Variants in SERINC5 observed in about 807,000 individuals in gnomAD.
SERINC5 encodes serine incorporator 5, also known as chromosome 5 open reading frame 12.
A neutral mutation model predicts 63.1 loss-of-function variants in SERINC5; 41 were observed. That is an observed-to-expected ratio of 0.65 (90% confidence interval 0.51 to 0.84). The LOEUF (loss-of-function observed/expected upper bound fraction) is 0.84. Ranked by LOEUF, SERINC5 falls within the 40% of genes least tolerant of loss-of-function variation. The pLI is 0.00. For synonymous variants in SERINC5, 222 were observed against 215.2 expected, an observed-to-expected ratio of 1.03 and a Z score of -0.28; for missense variants, 523 against 573.0, an observed-to-expected ratio of 0.91 and a Z score of 0.89.
chr5:80,232,161 T>C (rs1301400270), intron 1 of SERINC5, among the ~76,000 whole-genome samples: 2 of 150,200 alleles, frequency 1.3e-5, no homozygotes, highest in African/African-American at 2.5e-5. Flanking sequence ...TCCCAGCATT[T>C]TGGGAGGCCA....
intron 9 of SERINC5, among the ~76,000 whole-genome samples, chr5:80,150,284 G>T (rs982311517): frequency 6.6e-6 from 1 of 152,156 alleles, no homozygotes; most frequent in African/African-American, 2.4e-5. Context: ...AGAGCGCAGG[G>T]TGCAGCCTGA....
chr5:80,241,108 G>C (rs1011672768), intron 1 of SERINC5, among the ~76,000 whole-genome samples: 2 of 152,104 alleles, frequency 1.3e-5, no homozygotes, highest in African/African-American at 4.8e-5. Context: ...CATCACTAAT[G>C]ATAAAAGTTT....
chr5:80,209,617 C>T (rs922187521), intron 1 of SERINC5, among the ~76,000 whole-genome samples: 2 of 151,716 alleles, frequency 1.3e-5, no homozygotes, highest in Non-Finnish European at 2.9e-5. Context: ...ACTGACTACC[C>T]GAGGAACAGG....
intron 11 of SERINC5, among the ~76,000 whole-genome samples, chr5:80,127,378 A>G (rs2112246954): frequency 6.6e-6 from 1 of 152,332 alleles, no homozygotes; most frequent in East Asian, 1.9e-4. Flanking sequence ...TGAAACCAGC[A>G]ATATCCCAAA....
At chr5:80,185,050 T>C (rs886706542) in intron 2 of SERINC5, among the ~76,000 whole-genome samples, 2 of 152,138 alleles carry the variant, frequency 1.3e-5, no homozygotes, top group South Asian at 4.1e-4. Flanking sequence ...CTAATTTTTG[T>C]ATTTTTAGTA....
At chr5:80,202,299 G>C (rs554796271) in intron 2 of SERINC5, among the ~76,000 whole-genome samples, 1 of 152,068 alleles carries the variant, frequency 6.6e-6, no homozygotes, top group Non-Finnish European at 1.5e-5. Context: ...GGACAGAAGG[G>C]TACAAGAAAA....
intron 8 of SERINC5, among the ~76,000 whole-genome samples, chr5:80,156,239 G>A (rs1746510327): frequency 6.6e-6 from 1 of 152,110 alleles, no homozygotes; most frequent in Non-Finnish European, 1.5e-5. Context: ...TTCCCACACG[G>A]ACGATGTGGC....
chr5:80,184,330 T>C (rs1205895624), intron 2 of SERINC5, among the ~76,000 whole-genome samples: 2 of 152,174 alleles, frequency 1.3e-5, no homozygotes, highest in Non-Finnish European at 2.9e-5. Context: ...CTTTCATCTA[T>C]ACCAGCCCAT....
chr5:80,151,725 T>G (rs1227231950), intron 8 of SERINC5, among the ~76,000 whole-genome samples: 1 of 152,204 alleles, frequency 6.6e-6, no homozygotes, highest in Non-Finnish European at 1.5e-5. Flanking sequence ...CAGATTGATT[T>G]AGCAAATATT....
intron 1 of SERINC5, among the ~76,000 whole-genome samples, chr5:80,235,512 C>A (rs1449197660): frequency 6.6e-6 from 1 of 152,196 alleles, no homozygotes; most frequent in African/African-American, 2.4e-5. Flanking sequence ...AAACACAAAT[C>A]AAGAAGAGTA....
chr5:80,186,050 T>A (rs1181242256), intron 2 of SERINC5, among the ~76,000 whole-genome samples: 1 of 146,498 alleles, frequency 6.8e-6, no homozygotes, highest in African/African-American at 2.5e-5. Context: ...CTGAACATCT[T>A]AGAATTAGTA....
At chr5:80,218,426 G>C (rs933145957) in intron 1 of SERINC5, among the ~76,000 whole-genome samples, 1 of 152,190 alleles carries the variant, frequency 6.6e-6, no homozygotes, top group African/African-American at 2.4e-5. Flanking sequence ...CGTAATCCCA[G>C]CTACATGAGA....
At chr5:80,156,720 T>A (rs955583259) in intron 8 of SERINC5, among the ~76,000 whole-genome samples, 4 of 152,172 alleles carry the variant, frequency 2.6e-5, no homozygotes, top group African/African-American at 4.8e-5. Flanking sequence ...TTTGGGAATA[T>A]CAGACCAGCC....
intron 1 of SERINC5, among the ~76,000 whole-genome samples, chr5:80,249,525 G>A (rs538033996): frequency 1.6e-4 from 25 of 152,154 alleles, no homozygotes; most frequent in African/African-American, 5.3e-4. Flanking sequence ...AATATCGGCC[G>A]GGCACAGTGG....
intron 8 of SERINC5, chr5:80,157,951 C>G (rs907109327): frequency 2.0e-5 from 3 of 152,176 alleles, no homozygotes; most frequent in Admixed American, 1.3e-4. Flanking sequence ...TGCCAACATG[C>G]TCAGAAAGAC....
intron 5 of SERINC5, among the ~76,000 whole-genome samples, chr5:80,171,397 G>A (rs1441090234): frequency 1.3e-5 from 2 of 152,180 alleles, no homozygotes; most frequent in African/African-American, 4.8e-5. Flanking sequence ...AGGGAGGAAA[G>A]AGAATTACCT....
chr5:80,247,990 A>G (rs1752236067), intron 1 of SERINC5, among the ~76,000 whole-genome samples: 1 of 152,022 alleles, frequency 6.6e-6, no homozygotes, highest in Admixed American at 6.6e-5. Flanking sequence ...CTGGGACTAT[A>G]TAGGCACACA....
At position 80,141,850 on chromosome 5, in the gene SERINC5, C is replaced by T; in HGVS notation, c.*1813G>A. On this transcript the variant is annotated 3_prime_UTR_variant, in exon 12 of 12. Coordinates refer to ENST00000507668, the MANE Select transcript of SERINC5 (RefSeq NM_001174072.3). ...AACAAGGCTCTCTAAACCACACACA[C>T]AGATGGAGTGCCTTTTGAAACTGAA... 1.0e-6 allele frequency: 1 copy of T among 985,360 alleles called. No individual in the cohort carries two copies. The highest frequency in any genetic ancestry group is 1.7e-5 in the African/African-American group (1 of 57,376). The allele number at this position is 985,360 out of a possible 1,614,324, so 61.0% of individuals were successfully genotyped here.
chr5:80,137,201 A>G (rs1451106249), downstream of SERINC5, among the ~76,000 whole-genome samples: 1 of 151,376 alleles, frequency 6.6e-6, no homozygotes, highest in Non-Finnish European at 1.5e-5. Flanking sequence ...TAGAAATACC[A>G]TATGATCCAG....
Sources: gnomAD v4.1 joint callset for allele counts (sites outside exome capture counted in the v4.1 genomes callset) on GRCh38, gnomAD v4.1.1 for gene constraint, MANE v1.5 for transcripts, NCBI Gene and HGNC (gene_info 2026-07-23, HGNC 2026-07-21) for gene names.